The following DPYD variants were observed in gnomAD, a reference collection of about 807,000 sequenced individuals.
DPYD encodes dihydropyrimidine dehydrogenase [NADP(+)].
Under a neutral mutation model 116.2 loss-of-function variants are expected in DPYD, and 109 were observed. The ratio of observed to expected loss-of-function variants is 0.94; its 90% CI spans 0.80 to 1.10. The LOEUF (loss-of-function observed/expected upper bound fraction) is 1.10. Ranked by LOEUF, DPYD falls within the 50% of genes least tolerant of loss-of-function variation. The pLI, the probability that DPYD is intolerant of heterozygous loss-of-function variation, is 0.00. For missense variants in DPYD, 1,302 were observed against 1,254.5 expected (o/e 1.04, Z -0.57); for synonymous variants, 440 against 432.0 (o/e 1.02, Z -0.23).
intron 20 of DPYD, among the ~76,000 whole-genome samples, chr1:97,110,939 G>A (rs1025122013): frequency 2.0e-5 from 3 of 151,882 alleles, no homozygotes; most frequent in Admixed American, 6.6e-5. Context: ...AGGCTGAGGC[G>A]GGAGGATAAC....
chr1:97,139,182 G>A (rs1654023894), intron 20 of DPYD, among the ~76,000 whole-genome samples: 1 of 152,008 alleles, frequency 6.6e-6, no homozygotes, highest in South Asian at 2.1e-4. Context: ...ATCCTATTCT[G>A]ATCGATGCCA....
chr1:97,628,965 C>A (rs937078020), intron 8 of DPYD, among the ~76,000 whole-genome samples: 7 of 151,982 alleles, frequency 4.6e-5, no homozygotes, highest in African/African-American at 1.4e-4. Flanking sequence ...AGAACCCAGA[C>A]TCATAATGAT....
chr1:97,745,747 G>A (rs980449710), intron 3 of DPYD, among the ~76,000 whole-genome samples: 3 of 152,028 alleles, frequency 2.0e-5, no homozygotes, highest in East Asian at 1.9e-4. Flanking sequence ...GTCATCTCCC[G>A]TAAGCATAAA....
chr1:97,907,816 T>TA (rs999966747), intron 1 of DPYD, among the ~76,000 whole-genome samples: 1 of 152,012 alleles, frequency 6.6e-6, no homozygotes, highest in African/African-American at 2.4e-5. Context: ...GGGCTGCCAT[T>TA]AAAAAAATTA....
chr1:97,527,574 T>C (rs1382553268), intron 12 of DPYD, among the ~76,000 whole-genome samples: 1 of 152,080 alleles, frequency 6.6e-6, no homozygotes, highest in African/African-American at 2.4e-5. Context: ...CATTAAAGAA[T>C]AGAAATAAAA....
intron 8 of DPYD, among the ~76,000 whole-genome samples, chr1:97,655,325 T>C (rs543980656): frequency 6.6e-6 from 1 of 152,198 alleles, no homozygotes; most frequent in Non-Finnish European, 1.5e-5. Context: ...CACAAAAGTA[T>C]GTACATCTTT....
At chr1:97,387,885 G>A (rs1672442291) in intron 14 of DPYD, among the ~76,000 whole-genome samples, 1 of 152,118 alleles carries the variant, frequency 6.6e-6, no homozygotes, top group African/African-American at 2.4e-5. Context: ...CCCTGTGGGA[G>A]ATTGGGTTTT....
intron 14 of DPYD, among the ~76,000 whole-genome samples, chr1:97,440,214 A>T (rs951430033): frequency 2.0e-5 from 3 of 151,620 alleles, no homozygotes; most frequent in African/African-American, 7.3e-5. Flanking sequence ...TGGTGAGCCA[A>T]TATCACACCA....
intron 8 of DPYD, among the ~76,000 whole-genome samples, chr1:97,599,130 C>T (rs1655082704): frequency 6.6e-6 from 1 of 152,194 alleles, no homozygotes; most frequent in Admixed American, 6.5e-5. Flanking sequence ...CTCTTGTCAG[C>T]ATTTTTGTTT....
chr1:97,606,761 T>G (rs1655625926), intron 8 of DPYD, among the ~76,000 whole-genome samples: 1 of 151,990 alleles, frequency 6.6e-6, no homozygotes, highest in African/African-American at 2.4e-5. Flanking sequence ...AGAAATAATT[T>G]GCAGAAAATA....
At chr1:97,805,318 G>T (rs1168499797) in intron 3 of DPYD, among the ~76,000 whole-genome samples, 1 of 151,822 alleles carries the variant, frequency 6.6e-6, no homozygotes, top group Admixed American at 6.6e-5. Flanking sequence ...AATAGAACAT[G>T]AACATAGAGT....
At chr1:97,265,399 C>A (rs1664167113) in intron 18 of DPYD, 1 of 152,078 alleles carries the variant, frequency 6.6e-6, no homozygotes, top group African/African-American at 2.4e-5. Flanking sequence ...ATTTTTTATT[C>A]TCTCCTCCCC....
At chr1:97,843,604 T>C (rs1298216281) in intron 2 of DPYD, among the ~76,000 whole-genome samples, 4 of 152,206 alleles carry the variant, frequency 2.6e-5, no homozygotes, top group Non-Finnish European at 5.9e-5. Flanking sequence ...TCAATCAGAC[T>C]GACCTTGTTT....
At chr1:97,530,214 CT>C (rs57740723) in intron 12 of DPYD, among the ~76,000 whole-genome samples, 3,180 of 112,554 alleles carry the variant, frequency 0.028, 23 homozygotes, top group African/African-American at 0.082. Context: ...CTTTTTTTTT[CT>C]TTTTTTTTTT....
intron 16 of DPYD, among the ~76,000 whole-genome samples, chr1:97,333,517 ATTTTTTT>A (rs778577478): frequency 1.0e-5 from 1 of 97,068 alleles, no homozygotes; most frequent in Admixed American, 1.3e-4. Context: ...AAGTCTTAGG[ATTTTTTT>A]TTTTTTTTTT....
intron 3 of DPYD, among the ~76,000 whole-genome samples, chr1:97,804,106 C>A (rs890887729): frequency 4.6e-5 from 7 of 151,546 alleles, no homozygotes; most frequent in African/African-American, 1.7e-4. Context: ...ATTAAAAAAA[C>A]AAAATTTGTT....
Position 97,382,376 on chromosome 1 carries a change from A to C in DPYD, c.1974+17T>G. ...GAGAGAAGAAATAAAATAAATATAT[A>C]CTAAAGTAACCATTACCTCAGACTT... On this transcript the variant is annotated intron_variant, in intron 15 of 22. Coordinates refer to ENST00000370192, the MANE Select transcript of DPYD (RefSeq NM_000110.4). 1 of 1,519,854 alleles carries C rather than the reference A, an allele frequency of 6.6e-7. No individual in the cohort carries two copies. Among genetic ancestry groups the C allele is most frequent in the Non-Finnish European group, 9.0e-7 (1 of 1,107,712 alleles). The allele number at this position is 1,519,854 out of a possible 1,614,324, so 94.1% of individuals were successfully genotyped here. A position where few individuals can be genotyped will look rare whatever the true frequency, so the allele number is the denominator to read the frequency against.
chr1:97,144,632 G>C (rs991158653), intron 20 of DPYD, among the ~76,000 whole-genome samples: 4 of 152,112 alleles, frequency 2.6e-5, no homozygotes, highest in Non-Finnish European at 5.9e-5. Context: ...AAAGTGACAG[G>C]GTTGTTGGAA....
chr1:97,370,024 T>C (rs1671237658), intron 16 of DPYD, among the ~76,000 whole-genome samples: 1 of 152,202 alleles, frequency 6.6e-6, no homozygotes, highest in African/African-American at 2.4e-5. Flanking sequence ...ACTGTATCAT[T>C]GATGGGCATT....
Sources: allele counts gnomAD v4.1 joint callset (sites outside exome capture counted in the v4.1 genomes callset), GRCh38; gene constraint gnomAD v4.1.1; transcripts MANE v1.5; gene names NCBI Gene and HGNC (gene_info 2026-07-23, HGNC 2026-07-21).